Variants in RGSL1 observed in about 807,000 individuals in gnomAD.
RGSL1 encodes regulator of G protein signaling like 1.
Under a neutral mutation model 124.7 loss-of-function variants are expected in RGSL1, and 97 were observed. The observed-to-expected ratio is 0.78, with a 90% CI of 0.66 to 0.92. RGSL1 has a LOEUF of 0.92. Among genes scored for constraint, RGSL1 ranks in the 40% least tolerant of loss-of-function variants. RGSL1 has a pLI of 0.00. For missense variants in RGSL1, 1,233 were observed against 1,288.4 expected, an observed-to-expected ratio of 0.96 and a Z score of 0.66; for synonymous variants, 424 against 438.1, an observed-to-expected ratio of 0.97 and a Z score of 0.40.
intron 6 of RGSL1, among the ~76,000 whole-genome samples, chr1:182,475,694 C>T (rs1654235619): frequency 6.6e-6 from 1 of 150,724 alleles, no homozygotes; most frequent in Non-Finnish European, 1.5e-5. Flanking sequence ...CTCCTGATTT[C>T]CCATCTCCTG....
chr1:182,506,102 T>C (rs576209556), intron 9 of RGSL1, among the ~76,000 whole-genome samples: 90 of 152,316 alleles, frequency 5.9e-4, no homozygotes, highest in African/African-American at 1.6e-3. Flanking sequence ...TCAAAATATA[T>C]AGGACTGCTT....
At chr1:182,554,769 C>T (rs902914530) in intron 20 of RGSL1, 76 bp downstream of exon 20, 50 of 1,406,660 alleles carry the variant, frequency 3.6e-5, no homozygotes, top group Non-Finnish European at 9.8e-6. Flanking sequence ...ATGGTATAAA[C>T]TTTCCAGAGA....
At chr1:182,481,216 AAAGAG>A (rs1371592165) in intron 6 of RGSL1, among the ~76,000 whole-genome samples, 9 of 152,160 alleles carry the variant, frequency 5.9e-5, no homozygotes, top group Non-Finnish European at 8.8e-5. Flanking sequence ...GGCTTAAAAA[AAAGAG>A]AGAGAAGTTT....
intron 9 of RGSL1, among the ~76,000 whole-genome samples, chr1:182,508,894 G>C (rs570273537): frequency 3.4e-4 from 30 of 87,202 alleles, no homozygotes; most frequent in Non-Finnish European, 6.2e-4. Context: ...GACTCTTAAC[G>C]AGCATGCTGC....
chr1:182,479,281 C>A (rs949594741), intron 6 of RGSL1, among the ~76,000 whole-genome samples: 1 of 151,888 alleles, frequency 6.6e-6, no homozygotes, highest in Non-Finnish European at 1.5e-5. Flanking sequence ...TAATTATAAC[C>A]ACCGAAATTA....
intron 9 of RGSL1, among the ~76,000 whole-genome samples, chr1:182,494,653 T>G (rs1423079024): frequency 6.6e-6 from 1 of 152,156 alleles, no homozygotes; most frequent in Non-Finnish European, 1.5e-5. Flanking sequence ...GAACACTTCT[T>G]TCATTCATTG....
chr1:182,468,474 G>A (rs1653535640), intron 4 of RGSL1, among the ~76,000 whole-genome samples: 1 of 152,192 alleles, frequency 6.6e-6, no homozygotes, highest in Admixed American at 6.5e-5. Context: ...GTAGGGACAT[G>A]GATGAAGCTG....
chr1:182,554,898 C>T, intron 20 of RGSL1: 1 of 566,648 alleles, frequency 1.8e-6, no homozygotes, highest in Non-Finnish European at 3.1e-6. Flanking sequence ...CCAACTAGGA[C>T]AGGCACTTTT....
chr1:182,450,056 T>C, upstream of RGSL1: 1 of 1,307,752 alleles, frequency 7.6e-7, no homozygotes, highest in Non-Finnish European at 1.1e-6. Context: ...AGATAGAATC[T>C]GGAACCCCTT....
chr1:182,549,914 T>A (rs1046222520), intron 17 of RGSL1: 7 of 152,202 alleles, frequency 4.6e-5, no homozygotes, highest in Non-Finnish European at 1.0e-4. Flanking sequence ...ACCCAGAGAC[T>A]TTTGGAGGGA....
Position 182,462,538 on chromosome 1 carries a change from T to C in RGSL1, c.301+2405T>C, listed in dbSNP as rs1226597159. On this transcript the variant is annotated intron_variant, in intron 4 of 21. Transcript: ENST00000294854. ...TTTCAAGATTTAAGAGATTAATATA[T>C]GTTTTAAAAGAATAACTACTCGTCT... is the stretch of plus-strand genomic sequence containing the variant. Among the ~76,000 whole-genome samples, 14 of 152,330 alleles carry C rather than the reference T, an allele frequency of 9.2e-5. 1 individual carries two copies. In the South Asian group the frequency reaches 2.9e-3, roughly 32 times the overall value.
At chr1:182,517,772 G>A (rs1257535394) in intron 9 of RGSL1, among the ~76,000 whole-genome samples, 8 of 152,110 alleles carry the variant, frequency 5.3e-5, no homozygotes, top group African/African-American at 1.2e-4. Context: ...ATGGCTTTCC[G>A]AATTGTTTTT....
chr1:182,538,264 C>T (rs1164927638), intron 14 of RGSL1, among the ~76,000 whole-genome samples: 1 of 152,170 alleles, frequency 6.6e-6, no homozygotes, highest in Non-Finnish European at 1.5e-5. Flanking sequence ...GCTGGTGGCT[C>T]AAGCCTGTAA....
chr1:182,489,186 T>G lies in RGSL1; in HGVS notation c.1701T>G (p.Ser567=). 6.4e-7 allele frequency: 1 copy of G among 1,551,708 alleles called. No homozygotes were observed. Among genetic ancestry groups the G allele is most frequent in the Non-Finnish European group, 8.7e-7 (1 of 1,146,986 alleles). The change falls in exon 8 of 22, where the codon TCT becomes TCG. Residue 567 remains serine, a synonymous_variant. Transcript: ENST00000294854. ...QGGSLQVELT[S]PVFLTDITKM... is the part of the protein sequence containing the mutation. ...GCTCTCTCCAGGTAGAGCTGACATC[T>G]CCAGTGTTTCTAACAGGTCAGAGCA...
At chr1:182,530,202 T>C in intron 11 of RGSL1, 42 bp from the exon 12 acceptor site, 4 of 1,415,304 alleles carry the variant, frequency 2.8e-6, no homozygotes, top group Non-Finnish European at 3.8e-6. Flanking sequence ...TCAGAAATGG[T>C]AGATGAGGAT....
intron 4 of RGSL1, among the ~76,000 whole-genome samples, 197 bp from the exon 5 acceptor site, chr1:182,472,199 A>C (rs1653902996): frequency 6.6e-6 from 1 of 152,108 alleles, no homozygotes; most frequent in Non-Finnish European, 1.5e-5. Context: ...CCCATGCATT[A>C]AGCCTCTTCT....
chr1:182,472,349 G>T (rs1653914060), intron 4 of RGSL1, 47 bp from the exon 5 acceptor site: 1 of 1,488,614 alleles, frequency 6.7e-7, no homozygotes, highest in African/African-American at 1.4e-5. Context: ...ACCACCAAAG[G>T]GGCAAAACTA....
In RGSL1 at chr1:182,546,225, C is replaced by T. The variant is rs1294600245; in HGVS notation, c.2670-2092C>T. ...CATATGGGAGAATGAAGCCAACTTG[C>T]TTCTATGCTAACATTTTGGAACCTA... is the stretch of plus-strand genomic sequence containing the variant. On this transcript the variant is annotated intron_variant, in intron 15 of 21. Transcript: ENST00000294854. Among the ~76,000 whole-genome samples, 3 of 152,102 alleles carry T rather than the reference C, an allele frequency of 2.0e-5. No individual in the cohort carries two copies. In the East Asian group the frequency reaches 5.8e-4, roughly 29 times the overall value.
At chr1:182,516,198 C>A (rs1443574166) in intron 9 of RGSL1, among the ~76,000 whole-genome samples, 1 of 152,096 alleles carries the variant, frequency 6.6e-6, no homozygotes, top group Non-Finnish European at 1.5e-5. Context: ...AGGTGGCAGG[C>A]CAGAAGGCAA....
Sources: allele counts gnomAD v4.1 joint callset (sites outside exome capture counted in the v4.1 genomes callset), GRCh38; gene constraint gnomAD v4.1.1; transcripts MANE v1.5; gene names NCBI Gene and HGNC (gene_info 2026-07-23, HGNC 2026-07-21).